SMIM31: variants seen among roughly 807,000 people sequenced by gnomAD.
The protein encoded by SMIM31 is small integral membrane protein 31, also known as human epithelial cell program regulator.
intron 1 of SMIM31, 140 bp downstream of exon 1, chr4:164,754,551 A>ATTTTTTTTT (rs57916805): frequency 5.4e-5 from 3 of 55,620 alleles, no homozygotes; most frequent in African/African-American, 1.6e-4. Context: ...TCCTGGAGGT[A>ATTTTTTTTT]TTTTTTTTTT....
At chr4:164,769,285 G>A (rs1732761337) in intron 1 of SMIM31, among the ~76,000 whole-genome samples, 1 of 151,978 alleles carries the variant, frequency 6.6e-6, no homozygotes, top group Non-Finnish European at 1.5e-5. Flanking sequence ...GTACTACTAA[G>A]GACCTTATAT....
intron 2 of SMIM31, among the ~76,000 whole-genome samples, chr4:164,795,837 T>A (rs1437644388): frequency 1.3e-5 from 2 of 152,126 alleles, no homozygotes; most frequent in African/African-American, 4.8e-5. Context: ...CTGCATAGTA[T>A]AAAGGTGACT....
Position 164,801,427 on chromosome 4 carries a change from T to C in SMIM31, c.*233T>C, listed in dbSNP as rs1294279517. ...GAGCCATACACCATTCTAGCTGCAA[T>C]TGATTATACAAAAAAAAAAAGACCA... On this transcript the variant is annotated 3_prime_UTR_variant, in exon 3 of 3. Transcript: ENST00000507311. The C allele has an allele frequency of 2.1e-5, 7 of 337,682 alleles. No individual in the cohort carries two copies. The South Asian group carries it at 4.6e-4, about 22-fold the overall frequency. The allele number at this position is 337,682 out of a possible 1,614,324, so 20.9% of individuals were successfully genotyped here. A position where few individuals can be genotyped will look rare whatever the true frequency, so the allele number is the denominator to read the frequency against.
rs35347099 is a variant in SMIM31 at position 164,778,326 on chromosome 4, TA to T, written c.112+7782del. On this transcript the variant is annotated intron_variant, in intron 2 of 2. Transcript: ENST00000507311. ...CAAATTTGTACCCAGGTAAACAGAT[TA>T]AAAAAAAAAATTTTATTTTGCAATG... is the stretch of plus-strand genomic sequence containing the variant. Among the ~76,000 whole-genome samples, 395 of 150,476 alleles carry T rather than the reference TA, an allele frequency of 2.6e-3. 1 individual carries two copies. Among genetic ancestry groups the T allele is most frequent in the South Asian group, 3.8e-3 (18 of 4,790 alleles).
At chr4:164,779,922 C>T (rs1457025456) in intron 2 of SMIM31, among the ~76,000 whole-genome samples, 1 of 152,100 alleles carries the variant, frequency 6.6e-6, no homozygotes, top group Non-Finnish European at 1.5e-5. Flanking sequence ...GAAGTAATTG[C>T]AGCAGCCAGC....
At chr4:164,799,590 G>T (rs1175602663) in intron 2 of SMIM31, among the ~76,000 whole-genome samples, 2 of 152,020 alleles carry the variant, frequency 1.3e-5, no homozygotes, top group Admixed American at 6.6e-5. Context: ...CCCTCAACAG[G>T]TTGAATGAAA....
chr4:164,766,574 G>A (rs1329127193), intron 1 of SMIM31, among the ~76,000 whole-genome samples: 5 of 151,994 alleles, frequency 3.3e-5, no homozygotes, highest in Non-Finnish European at 5.9e-5. Flanking sequence ...TGAGGCAGGC[G>A]GATCACGAGG....
At chr4:164,770,931 A>C (rs989757728) in intron 2 of SMIM31, among the ~76,000 whole-genome samples, 1 of 152,186 alleles carries the variant, frequency 6.6e-6, no homozygotes, top group African/African-American at 2.4e-5. Flanking sequence ...ACCATAGTTC[A>C]GGGCCCACCA....
At chr4:164,790,149 T>C (rs867324882) in intron 2 of SMIM31, among the ~76,000 whole-genome samples, 76 of 152,184 alleles carry the variant, frequency 5.0e-4, no homozygotes, top group African/African-American at 1.8e-3. Flanking sequence ...CACATTTTAC[T>C]TTCTAGGCAC....
At chr4:164,789,387 T>C (rs1733071444) in intron 2 of SMIM31, among the ~76,000 whole-genome samples, 1 of 152,230 alleles carries the variant, frequency 6.6e-6, no homozygotes, top group Non-Finnish European at 1.5e-5. Context: ...CTCAAATATC[T>C]ATATGGACTG....
At chr4:164,783,747 T>A (rs1186068686) in intron 2 of SMIM31, among the ~76,000 whole-genome samples, 1 of 151,226 alleles carries the variant, frequency 6.6e-6, no homozygotes, top group African/African-American at 2.4e-5. Context: ...CGAGACCACA[T>A]CCCCCACCTC....
intron 2 of SMIM31, among the ~76,000 whole-genome samples, chr4:164,774,327 CAT>C (rs1177672131): frequency 3.3e-5 from 5 of 152,070 alleles, no homozygotes; most frequent in African/African-American, 4.8e-5. Context: ...TGACATCACA[CAT>C]GTCACAAAAG....
chr4:164,799,443 G>T (rs906878739), intron 2 of SMIM31, among the ~76,000 whole-genome samples: 1 of 150,750 alleles, frequency 6.6e-6, no homozygotes, highest in Non-Finnish European at 1.5e-5. Context: ...CAGTCTGAGG[G>T]ATTTTTTTTT....
chr4:164,760,375 T>C (rs1383897733), intron 1 of SMIM31, among the ~76,000 whole-genome samples: 1 of 152,032 alleles, frequency 6.6e-6, no homozygotes, highest in African/African-American at 2.4e-5. Flanking sequence ...TTGTGAGTAG[T>C]AGTGCTTCAA....
chr4:164,755,794 A>C (rs549000102), intron 1 of SMIM31, among the ~76,000 whole-genome samples: 2 of 152,098 alleles, frequency 1.3e-5, no homozygotes, highest in African/African-American at 4.8e-5. Context: ...TCAACAATTT[A>C]AAAAATTCTT....
At chr4:164,756,585 TA>T (rs1732564838) in intron 1 of SMIM31, among the ~76,000 whole-genome samples, 2 of 118,982 alleles carry the variant, frequency 1.7e-5, no homozygotes, top group East Asian at 2.5e-4. Flanking sequence ...AAAAAAATAA[TA>T]ATAATATAAA....
intron 2 of SMIM31, among the ~76,000 whole-genome samples, chr4:164,794,230 T>G (rs898326582): frequency 2.0e-5 from 3 of 151,632 alleles, no homozygotes; most frequent in African/African-American, 7.3e-5. Context: ...TTTTAAAAAT[T>G]TAGTTGGTAG....
intron 2 of SMIM31, among the ~76,000 whole-genome samples, chr4:164,794,770 A>G (rs1364464857): frequency 6.6e-6 from 1 of 152,062 alleles, no homozygotes; most frequent in Non-Finnish European, 1.5e-5. Flanking sequence ...AGGCCACTGC[A>G]CTCCAGCCTG....
intron 2 of SMIM31, among the ~76,000 whole-genome samples, chr4:164,775,499 A>T (rs1020315984): frequency 6.6e-6 from 1 of 152,212 alleles, no homozygotes; most frequent in African/African-American, 2.4e-5. Flanking sequence ...CATCTTACCT[A>T]TAACTTTTCT....
Sources: gnomAD v4.1 joint callset for allele counts (sites outside exome capture counted in the v4.1 genomes callset) on GRCh38, gnomAD v4.1.1 for gene constraint, MANE v1.5 for transcripts, NCBI Gene and HGNC (gene_info 2026-07-23, HGNC 2026-07-21) for gene names.